The following ZNF320 variants were observed in gnomAD, a reference collection of about 807,000 sequenced individuals.
ZNF320 encodes zinc finger protein 320.
ZNF320 carries 2 observed loss-of-function variants against 6.8 expected under a neutral mutation model. That is an observed-to-expected ratio of 0.29 (90% CI 0.12 to 0.93). The LOEUF is 0.93. Among genes scored for constraint, ZNF320 ranks in the 40% least tolerant of loss-of-function variants. The pLI is 0.55. For synonymous variants in ZNF320, 208 were observed against 203.2 expected, an observed-to-expected ratio of 1.02 and a Z score of -0.20; for missense variants, 472 against 611.0, an observed-to-expected ratio of 0.77 and a Z score of 2.40.
the ZNF320 span, among the ~76,000 whole-genome samples, chr19:52,903,629 A>C: frequency 2.6e-4 from 40 of 152,144 alleles, no homozygotes; most frequent in Middle Eastern, 6.8e-3. Flanking sequence ...TTACACCATA[A>C]TCTCCTTTAA....
the ZNF320 span, chr19:52,904,275 C>T: frequency 1.9e-4 from 29 of 152,414 alleles, no homozygotes; most frequent in African/African-American, 7.0e-4. Context: ...TGGCCAGAGT[C>T]CCCCGCGGGG....
chr19:52,887,995 T>G, intron 5 of ZNF320, 132 bp downstream of exon 5: 1 of 1,440,026 alleles, frequency 6.9e-7, no homozygotes, highest in Non-Finnish European at 9.4e-7. Context: ...TGCTACATCA[T>G]GAAGCTTTTC....
chr19:52,881,279 C>A lies in ZNF320; in HGVS notation c.847G>T (p.Ala283Ser). The A allele has an allele frequency of 1.2e-6, 2 of 1,613,788 alleles. No homozygotes were observed. Among genetic ancestry groups the A allele is most frequent in the Non-Finnish European group, 1.7e-6 (2 of 1,179,950 alleles). ...TGAATTACGAGGACTGAATTTCGAG[C>A]GAAGGTCTTGCCACACTCATTACAT... ...YKCNECGKTF[A>S]RNSVLVIHKA... The change falls in exon 6 of 6, where the codon GCT becomes TCT. Residue 283 changes from alanine to serine, a missense_variant. Physicochemically the swap from Ala to Ser is moderately conservative, Grantham distance 99. Around this residue, in one of 2 missense-constraint regions of ZNF320, gnomAD observed 462 missense variants for 559.7 expected, o/e 0.83. Transcript: ENST00000682928.
chr19:52,864,910 G>T (rs1025579698), intron 5 of ZNF320, among the ~76,000 whole-genome samples: 6 of 152,084 alleles, frequency 3.9e-5, no homozygotes, highest in Admixed American at 3.9e-4. Context: ...CTACTCAGGA[G>T]GCTGAGGCAG....
At chr19:52,867,397 C>T (rs1444012736) in intron 5 of ZNF320, among the ~76,000 whole-genome samples, 1 of 151,910 alleles carries the variant, frequency 6.6e-6, no homozygotes, top group Non-Finnish European at 1.5e-5. Context: ...GGGGTTTCAC[C>T]ATGTTGGCCA....
intron 5 of ZNF320, among the ~76,000 whole-genome samples, chr19:52,865,981 ATT>A (rs1437725647): frequency 6.7e-5 from 8 of 119,052 alleles, no homozygotes; most frequent in African/African-American, 2.5e-4. Context: ...TTATACATAT[ATT>A]TATATATATG....
chr19:52,893,208 C>G (rs1391950837), intron 2 of ZNF320, among the ~76,000 whole-genome samples: 2 of 152,106 alleles, frequency 1.3e-5, no homozygotes, highest in African/African-American at 2.4e-5. Flanking sequence ...GGGGCTGGCA[C>G]TGGGCAGGGA....
intron 1 of ZNF320, among the ~76,000 whole-genome samples, chr19:52,896,940 T>C (rs2064492517): frequency 6.6e-6 from 1 of 152,172 alleles, no homozygotes; most frequent in Non-Finnish European, 1.5e-5. Context: ...CACACCTTCA[T>C]CTGCATAGGG....
chr19:52,871,035 T>C (rs965402981), intron 5 of ZNF320, among the ~76,000 whole-genome samples: 28 of 151,960 alleles, frequency 1.8e-4, no homozygotes, highest in South Asian at 4.2e-4. Context: ...TAATCCCAGC[T>C]ACTCGGGAGG....
chr19:52,870,352 A>T (rs2147782220), intron 5 of ZNF320, among the ~76,000 whole-genome samples: 1 of 151,548 alleles, frequency 6.6e-6, no homozygotes, highest in South Asian at 2.1e-4. Context: ...GGTGGCAGGC[A>T]CCTGTAGTCA....
At position 52,876,787 on chromosome 19, in the gene ZNF320, G is replaced by A. The variant is rs2063778692; in HGVS notation, c.*3809C>T. On this transcript the variant is annotated 3_prime_UTR_variant, in exon 6 of 6. Transcript: ENST00000682928. ...GCTGGGATTACAGGCATGAGCCAGA[G>A]CACCTGGTCTATTTTTTTTTTTTTA... 1 of 147,460 alleles carries A rather than the reference G, an allele frequency of 6.8e-6. No individual in the cohort carries two copies. Among genetic ancestry groups the A allele is most frequent in the African/African-American group, 2.5e-5 (1 of 39,654 alleles). 9.1% of individuals were successfully genotyped at this position (147,460 alleles called of 1,614,324 possible).
rs2064149472 is a variant in ZNF320, at chr19:52,888,028, C to T, written c.142+99G>A. The T allele has an allele frequency of 5.1e-6, 8 of 1,560,596 alleles. No individual in the cohort carries two copies. The East Asian group carries it at 1.8e-4, about 35-fold the overall frequency. On this transcript the variant is annotated intron_variant, in intron 5 of 5. Transcript: ENST00000682928. The stretch of plus-strand genomic sequence containing the variant: ...TTCATTTCAAAATCAATACAGCTTC[C>T]ATTTTAGTCAAGCAAGGATGCAACT...
upstream of ZNF320, among the ~76,000 whole-genome samples, chr19:52,901,829 T>C (rs1429004634): frequency 1.3e-5 from 2 of 152,248 alleles, no homozygotes; most frequent in Non-Finnish European, 2.9e-5. Context: ...GGGGCCAGCC[T>C]TGGGAAACCT....
exon 6 of ZNF320, chr19:52,863,990 C>T (rs1261842433): frequency 2.2e-6 from 1 of 455,648 alleles, no homozygotes; most frequent in Admixed American, 2.7e-5. Context: ...AGCCAAGATA[C>T]ACAAGGACAG....
upstream of ZNF320, among the ~76,000 whole-genome samples, chr19:52,901,287 A>T (rs2064570456): frequency 6.6e-6 from 1 of 152,212 alleles, no homozygotes; most frequent in Non-Finnish European, 1.5e-5. Flanking sequence ...CTTGATGTAG[A>T]TACTGGAAAC....
At chr19:52,888,763 CAGATTTTCAAAATATAAA>C (rs757345904) in intron 4 of ZNF320, among the ~76,000 whole-genome samples, 21 of 151,942 alleles carry the variant, frequency 1.4e-4, no homozygotes, top group Non-Finnish European at 2.8e-4. Flanking sequence ...TCATTTGTCC[CAGATTTTCAAAATATAAA>C]AGATTTTCAA....
upstream of ZNF320, among the ~76,000 whole-genome samples, chr19:52,901,492 G>C (rs997746289): frequency 6.6e-6 from 1 of 152,124 alleles, no homozygotes; most frequent in African/African-American, 2.4e-5. Flanking sequence ...TCTTATCTAC[G>C]TACAGCTCCT....
downstream of ZNF320, among the ~76,000 whole-genome samples, chr19:52,875,062 T>C (rs2063741566): frequency 6.6e-6 from 1 of 152,192 alleles, no homozygotes; most frequent in African/African-American, 2.4e-5. Flanking sequence ...TTGGAAACGA[T>C]GTATTTTCTC....
downstream of ZNF320, among the ~76,000 whole-genome samples, chr19:52,875,283 G>A (rs767846692): frequency 2.0e-5 from 3 of 152,210 alleles, no homozygotes; most frequent in Non-Finnish European, 2.9e-5. Context: ...TGAAGGTGGA[G>A]ATGCCTGTTT....
Sources: allele counts gnomAD v4.1 joint callset (sites outside exome capture counted in the v4.1 genomes callset), GRCh38; gene constraint gnomAD v4.1.1; regional missense constraint gnomAD v4.1.1; transcripts MANE v1.5; gene names NCBI Gene and HGNC (gene_info 2026-07-23, HGNC 2026-07-21).